Variants in NXF2B observed in about 807,000 individuals in gnomAD.
The protein encoded by NXF2B is nuclear RNA export factor 2B, also known as nuclear RNA export factor 2.
At chrX:102,405,215 G>A (rs1298998164) in intron 2 of NXF2B, among the ~76,000 whole-genome samples, 80 of 76,633 alleles carry the variant, frequency 1.0e-3, no homozygotes, top group African/African-American at 3.6e-3. Context: ...GCGTGAACCC[G>A]GGAGGCGGAG....
At chrX:102,397,893 G>A (rs1227181676) in intron 2 of NXF2B, among the ~76,000 whole-genome samples, 61 of 114,807 alleles carry the variant, frequency 5.3e-4, no homozygotes, top group African/African-American at 1.9e-3. Flanking sequence ...ATAAGCAAGT[G>A]GGACCTAATT....
intron 2 of NXF2B, among the ~76,000 whole-genome samples, chrX:102,433,563 G>GA (rs1934468590): frequency 1.8e-5 from 1 of 56,367 alleles, no homozygotes; most frequent in Non-Finnish European, 3.2e-5. Flanking sequence ...TAGTATACCT[G>GA]AAAAACCCTA....
intron 2 of NXF2B, among the ~76,000 whole-genome samples, chrX:102,393,029 T>A (rs1199731627): frequency 0.05 from 448 of 8,936 alleles, 6 homozygotes; most frequent in African/African-American, 0.058. Flanking sequence ...TCATTTAACA[T>A]TAGGTATATC....
At chrX:102,392,881 A>C (rs1210503056) in intron 2 of NXF2B, among the ~76,000 whole-genome samples, 2 of 29,127 alleles carry the variant, frequency 6.9e-5, no homozygotes, top group African/African-American at 1.2e-4. Context: ...TTTGAGCCCA[A>C]GGTCCATAGT....
chrX:102,432,699 T>G (rs1934456945), intron 2 of NXF2B, among the ~76,000 whole-genome samples: 1 of 62,323 alleles, frequency 1.6e-5, no homozygotes. Flanking sequence ...AAATAGATTT[T>G]TTTTTCTGTT....
intron 2 of NXF2B, among the ~76,000 whole-genome samples, chrX:102,405,158 C>T (rs1189065472): frequency 4.3e-5 from 4 of 93,769 alleles, no homozygotes; most frequent in East Asian, 3.1e-4. Flanking sequence ...GGCGTGGTGG[C>T]GGGCACCTGT....
At chrX:102,386,111 A>AT in intron 2 of NXF2B, among the ~76,000 whole-genome samples, 2 of 114,941 alleles carry the variant, frequency 1.7e-5, no homozygotes, top group Admixed American at 1.8e-4. Flanking sequence ...CCAAGCCCTA[A>AT]TTTTTTTGTA....
chrX:102,377,148 TTG>T (rs781891878), intron 1 of NXF2B, among the ~76,000 whole-genome samples: 15,933 of 52,867 alleles, frequency 0.3, 1,793 homozygotes, highest in Middle Eastern at 0.4. Context: ...GAGAGTGTAT[TTG>T]TGTGTGTGTG....
At chrX:102,439,777 A>G (rs1273005566) in intron 1 of NXF2B, 93 bp downstream of exon 1, 1 of 29,748 alleles carries the variant, frequency 3.4e-5, no homozygotes, top group Admixed American at 2.5e-4. Flanking sequence ...CTGGGCAACA[A>G]GAGCCAAACT....
At chrX:102,397,897 C>T (rs1340411098) in intron 2 of NXF2B, among the ~76,000 whole-genome samples, 1 of 114,809 alleles carries the variant, frequency 8.7e-6, no homozygotes, top group Admixed American at 9.1e-5. Flanking sequence ...GCAAGTGGGA[C>T]CTAATTAAAC....
intron 2 of NXF2B, among the ~76,000 whole-genome samples, chrX:102,393,547 A>T (rs868974387): frequency 2.3e-3 from 12 of 5,318 alleles, no homozygotes; most frequent in Non-Finnish European, 3.4e-3. Context: ...AACAAAACTA[A>T]ATATATATAT....
Position 102,393,547 on chromosome X carries a change from A to AATATAT in NXF2B, c.-53-13464_-53-13459dup, listed in dbSNP as rs782589671. 5.6e-3 allele frequency among the ~76,000 whole-genome samples: 30 copies of AATATAT among 5,318 alleles called. 1 individual carries two copies. Among genetic ancestry groups the AATATAT allele is most frequent in the Non-Finnish European group, 6.9e-3 (22 of 3,189 alleles). 4.6% of individuals were successfully genotyped at this position (5,318 alleles called of 115,157 possible). ...AAAAAAAAAAAAACAAACAAAACTA[A>AATATAT]ATATATATATATATATATATATATA... is the stretch of plus-strand genomic sequence containing the variant. On this transcript the variant is annotated intron_variant, in intron 2 of 22. Transcript: ENST00000602195.
intron 2 of NXF2B, among the ~76,000 whole-genome samples, chrX:102,386,180 C>T (rs1340157177): frequency 8.7e-6 from 1 of 115,025 alleles, no homozygotes; most frequent in Non-Finnish European, 1.9e-5. Flanking sequence ...CTCCTGACCT[C>T]GTGATCAGCC....
At chrX:102,432,009 TAAA>T (rs1221238725) in intron 2 of NXF2B, among the ~76,000 whole-genome samples, 10 of 35,001 alleles carry the variant, frequency 2.9e-4, no homozygotes, top group Non-Finnish European at 3.7e-4. Flanking sequence ...CTCTTTATGT[TAAA>T]AAATAGAAAA....
At chrX:102,438,428 C>A (rs1934480169) in intron 2 of NXF2B, 125 bp downstream of exon 2, 1 of 42,220 alleles carries the variant, frequency 2.4e-5, no homozygotes, top group African/African-American at 8.0e-5. Flanking sequence ...GGGTGGGAAT[C>A]CCTCCCTCGC....
chrX:102,436,139 G>A (rs1295842749), intron 2 of NXF2B, among the ~76,000 whole-genome samples: 1 of 3,008 alleles, frequency 3.3e-4, no homozygotes. Context: ...GTTATAGAGC[G>A]AGACCTGGTT....
At chrX:102,420,595 T>C (rs1211594147) in intron 2 of NXF2B, among the ~76,000 whole-genome samples, 1 of 101,618 alleles carries the variant, frequency 9.8e-6, no homozygotes, top group East Asian at 2.8e-4. Context: ...TAGCGGTCTA[T>C]CAATTTTGTT....
chrX:102,435,750 A>G (rs782034822), intron 2 of NXF2B, among the ~76,000 whole-genome samples: 5 of 91,197 alleles, frequency 5.5e-5, no homozygotes, highest in African/African-American at 1.9e-4. Flanking sequence ...GTACATTTCT[A>G]CCAATACAAA....
At chrX:102,439,798 A>G (rs1934485862) in intron 1 of NXF2B, 72 bp downstream of exon 1, 1 of 42,250 alleles carries the variant, frequency 2.4e-5, no homozygotes. Context: ...CCGTCTCAAA[A>G]AAAAAAAAAA....
Sources: gnomAD v4.1 joint callset for allele counts (sites outside exome capture counted in the v4.1 genomes callset) on GRCh38, gnomAD v4.1.1 for gene constraint, MANE v1.5 for transcripts, NCBI Gene and HGNC (gene_info 2026-07-23, HGNC 2026-07-21) for gene names.